The following CCDC47 variants were observed in gnomAD, a reference collection of about 807,000 sequenced individuals.
The protein encoded by CCDC47 is PAT complex subunit CCDC47.
CCDC47 carries 41 observed loss-of-function variants against 60.5 expected under a neutral mutation model. The ratio of observed to expected loss-of-function variants is 0.68; its 90% CI spans 0.53 to 0.88. The LOEUF is 0.88. Among genes scored for constraint, CCDC47 ranks in the 40% least tolerant of loss-of-function variants. CCDC47 has a pLI of 0.00. For synonymous variants in CCDC47, 195 were observed against 190.7 expected, an observed-to-expected ratio of 1.02 and a Z score of -0.18; for missense variants, 513 against 580.9, an observed-to-expected ratio of 0.88 and a Z score of 1.20.
chr17:63,752,486 T>C, intron 10 of CCDC47, 57 bp from the exon 11 acceptor site: 1 of 1,195,184 alleles, frequency 8.4e-7, no homozygotes, highest in South Asian at 1.5e-5. Flanking sequence ...TATTTCCAGG[T>C]CACCCAACTC....
At chr17:63,764,309 G>A in intron 3 of CCDC47, 119 bp from the exon 4 acceptor site, 2 of 740,944 alleles carry the variant, frequency 2.7e-6, no homozygotes, top group Non-Finnish European at 4.4e-6. Flanking sequence ...ATCTGTCATT[G>A]AATAAGGTTA....
chr17:63,772,024 G>C (rs2039346188), intron 1 of CCDC47, among the ~76,000 whole-genome samples: 1 of 152,022 alleles, frequency 6.6e-6, no homozygotes, highest in Non-Finnish European at 1.5e-5. Flanking sequence ...GGAGGTTGTA[G>C]TGAGCCAAGA....
chr17:63,758,869 A>C (rs774426747), intron 6 of CCDC47, among the ~76,000 whole-genome samples: 2 of 152,204 alleles, frequency 1.3e-5, no homozygotes, highest in Non-Finnish European at 2.9e-5. Context: ...ACACAAAGCA[A>C]ACCTTAAACA....
rs558297777 is a variant in CCDC47, at chr17:63,747,628, G to A, written c.1372-667C>T. The A allele has an allele frequency of 4.1e-6, 4 of 985,076 alleles. No homozygotes were observed. The South Asian group carries it at 1.9e-4, about 46-fold the overall frequency. 61.0% of individuals were successfully genotyped at this position (985,076 alleles called of 1,614,324 possible). A position where few individuals can be genotyped will look rare whatever the true frequency, so the allele number is the denominator to read the frequency against. ...TATGACTTCACTGTTGGCCACTAGTGGTCACACCTGATTAAAAGTTTATTT... is the reference window on the plus strand; with the variant it reads ...TATGACTTCACTGTTGGCCACTAGTAGTCACACCTGATTAAAAGTTTATTT... On this transcript the variant is annotated intron_variant, in intron 12 of 12. Transcript: ENST00000225726.
At chr17:63,751,709 TG>T in intron 12 of CCDC47, 1 of 584,890 alleles carries the variant, frequency 1.7e-6, no homozygotes, top group Non-Finnish European at 3.0e-6. Context: ...GAAATTGTGC[TG>T]GGGGAACAGG....
Position 63,751,881 on chromosome 17 carries a change from G to C in CCDC47, c.1371+59C>G, listed in dbSNP as rs751674974. 3.8e-6 allele frequency: 6 copies of C among 1,576,874 alleles called. No individual in the cohort carries two copies. The East Asian group carries it at 8.9e-5, about 23-fold the overall frequency. Reference sequence around the variant, plus strand: ...ACAAAGATTACCTTAACAACCAACAGAACACAAGCAGTCATCCTTACAAAT... The same window carrying C: ...ACAAAGATTACCTTAACAACCAACACAACACAAGCAGTCATCCTTACAAAT... On this transcript the variant is annotated intron_variant, in intron 12 of 12. Coordinates refer to ENST00000225726, the MANE Select transcript of CCDC47 (RefSeq NM_020198.3).
At chr17:63,755,383 G>T in intron 8 of CCDC47, 1 of 737,566 alleles carries the variant, frequency 1.4e-6, no homozygotes, top group Non-Finnish European at 1.7e-6. Flanking sequence ...GCTTTGGGAG[G>T]CCAAGGTGGG....
intron 1 of CCDC47, chr17:63,772,632 T>TAAC (rs1241258072): frequency 6.6e-6 from 1 of 152,134 alleles, no homozygotes; most frequent in African/African-American, 2.4e-5. Flanking sequence ...TCAACTCGAT[T>TAAC]AACAGCCTGC....
chr17:63,760,001 T>C (rs1339329581), intron 6 of CCDC47, among the ~76,000 whole-genome samples: 2 of 143,642 alleles, frequency 1.4e-5, no homozygotes, highest in African/African-American at 2.6e-5. Context: ...GAGGCAGAGA[T>C]TGCAGTGAGC....
At chr17:63,762,452 G>A (rs982703457) in intron 4 of CCDC47, among the ~76,000 whole-genome samples, 2 of 152,074 alleles carry the variant, frequency 1.3e-5, no homozygotes, top group Admixed American at 1.3e-4. Context: ...TTCCTCCTTA[G>A]GAAAACAGCA....
intron 12 of CCDC47, among the ~76,000 whole-genome samples, chr17:63,750,797 C>T (rs889948680): frequency 2.6e-5 from 4 of 152,130 alleles, no homozygotes; most frequent in East Asian, 1.9e-4. Flanking sequence ...GCATGTTGGT[C>T]AGGCTGGTCT....
intron 9 of CCDC47, among the ~76,000 whole-genome samples, 198 bp downstream of exon 9, chr17:63,754,235 A>G (rs2039188204): frequency 6.6e-6 from 1 of 152,228 alleles, no homozygotes; most frequent in South Asian, 2.1e-4. Context: ...AAACTGGGAT[A>G]GGGGAGGCTC....
intron 1 of CCDC47, among the ~76,000 whole-genome samples, chr17:63,772,282 C>T (rs2039350722): frequency 9.0e-6 from 1 of 110,990 alleles, no homozygotes; most frequent in South Asian, 3.3e-4. Context: ...GAGACGGAGT[C>T]TGACTCTGTC....
intron 12 of CCDC47, among the ~76,000 whole-genome samples, chr17:63,750,524 A>G (rs1480857123): frequency 6.6e-6 from 1 of 152,056 alleles, no homozygotes; most frequent in Non-Finnish European, 1.5e-5. Context: ...GCTCCTAAGA[A>G]TATTCTTCAA....
chr17:63,757,743 C>T (rs2039218446), intron 6 of CCDC47, among the ~76,000 whole-genome samples: 1 of 152,148 alleles, frequency 6.6e-6, no homozygotes, highest in South Asian at 2.1e-4. Flanking sequence ...TGGTTTTTAT[C>T]CCAGGTTTCA....
At chr17:63,752,467 T>C in intron 10 of CCDC47, 38 bp from the exon 11 acceptor site, 2 of 1,338,816 alleles carry the variant, frequency 1.5e-6, no homozygotes, top group Non-Finnish European at 2.1e-6. Flanking sequence ...GAGTTAATGG[T>C]AGCATTAATA....
intron 12 of CCDC47, among the ~76,000 whole-genome samples, chr17:63,749,982 G>T (rs1377053633): frequency 6.6e-6 from 1 of 151,842 alleles, no homozygotes; most frequent in African/African-American, 2.4e-5. Context: ...TAAATTAAAA[G>T]AAAAAAAGGA....
intron 4 of CCDC47, chr17:63,762,073 C>T: frequency 1.0e-6 from 1 of 983,704 alleles, no homozygotes; most frequent in Non-Finnish European, 1.2e-6. Context: ...TTAACTTTAA[C>T]CAAGCTTTCT....
intron 1 of CCDC47, among the ~76,000 whole-genome samples, chr17:63,768,561 G>A (rs1440497500): frequency 6.6e-6 from 1 of 152,078 alleles, no homozygotes; most frequent in Non-Finnish European, 1.5e-5. Flanking sequence ...TTGGTGGCAT[G>A]TGCCTGTAGT....
Sources: gnomAD v4.1 joint callset for allele counts (sites outside exome capture counted in the v4.1 genomes callset) on GRCh38, gnomAD v4.1.1 for gene constraint, MANE v1.5 for transcripts, NCBI Gene and HGNC (gene_info 2026-07-23, HGNC 2026-07-21) for gene names.